SPATA22: variants seen among roughly 807,000 people sequenced by gnomAD.
SPATA22 encodes spermatogenesis associated 22.
SPATA22 carries 29 observed loss-of-function variants against 47.8 expected under a neutral mutation model. The ratio of observed to expected loss-of-function variants is 0.61; its 90% CI spans 0.45 to 0.83. SPATA22 has a LOEUF of 0.83. SPATA22 is among the 40% of genes least tolerant of loss of function. The probability of loss-of-function intolerance (pLI) is 0.00; values close to 1 mark genes in which losing one functional copy is unlikely to be tolerated. For missense variants in SPATA22, 410 were observed against 421.7 expected (o/e 0.97, Z 0.24); for synonymous variants, 133 against 140.9 (o/e 0.94, Z 0.40).
chr17:3,513,748 A>T (rs1359233495), exon 1 of SPATA22: 1 of 536,048 alleles, frequency 1.9e-6, no homozygotes, highest in African/African-American at 1.9e-5. Flanking sequence ...ACAAATTGAC[A>T]ACTGCCCCTC....
At chr17:3,508,897 T>A (rs75178440) in intron 1 of SPATA22, among the ~76,000 whole-genome samples, 58 of 113,008 alleles carry the variant, frequency 5.1e-4, no homozygotes, top group Non-Finnish European at 8.0e-4. Context: ...GCTTAAAGTA[T>A]AAAAAAAAAA....
chr17:3,491,877 C>CTTTTTTTTTTTTT (rs540965896), intron 1 of SPATA22, among the ~76,000 whole-genome samples: 24 of 123,022 alleles, frequency 2.0e-4, no homozygotes, highest in East Asian at 4.7e-4. Context: ...CTTTTGTTTT[C>CTTTTTTTTTTTTT]TTTTTTTTTT....
chr17:3,506,155 C>A (rs529433346), intron 1 of SPATA22, among the ~76,000 whole-genome samples: 50 of 152,292 alleles, frequency 3.3e-4, no homozygotes, highest in Non-Finnish European at 6.5e-4. Context: ...AAAGCAGACA[C>A]ACCAAAAACC....
chr17:3,453,628 T>G (rs903853878), intron 5 of SPATA22, among the ~76,000 whole-genome samples: 4 of 152,140 alleles, frequency 2.6e-5, no homozygotes, highest in Non-Finnish European at 5.9e-5. Context: ...CAAACATAGT[T>G]ACAGGCTGGG....
At chr17:3,451,180 A>G (rs2072850844) in intron 5 of SPATA22, among the ~76,000 whole-genome samples, 1 of 143,856 alleles carries the variant, frequency 7.0e-6, no homozygotes, top group African/African-American at 2.5e-5. Context: ...CAGACAAAAT[A>G]GACTTTAAGT....
In SPATA22 at chr17:3,490,735, A is replaced by G. The variant is rs2073810418; in HGVS notation, c.-73-21337T>C. 6.6e-6 allele frequency among the ~76,000 whole-genome samples: 1 copy of G among 152,236 alleles called. No individual in the cohort carries two copies. ...AATAGGAAGTGTGGGACTACAATAT[A>G]TTAAGAAGTGATACATTCAGATAGA... On this transcript the variant is annotated intron_variant, in intron 1 of 8. Transcript: ENST00000541913. The surrounding 1 kb of genome is among the most constrained non-coding windows in gnomAD (Gnocchi z 4.6).
At position 3,440,111 on chromosome 17, in the gene SPATA22, T is replaced by G; in HGVS notation, c.*36A>C. ...GGTAAATTAAGCAATAACAGAAAAC[T>G]GCTATAATTTATGCTAAACTTCCTT... On this transcript the variant is annotated 3_prime_UTR_variant, in exon 9 of 9. Coordinates refer to ENST00000572969, the MANE Select transcript of SPATA22 (RefSeq NM_001170698.2). 2 of 1,370,152 alleles carry G rather than the reference T, an allele frequency of 1.5e-6. No homozygotes were observed. Among genetic ancestry groups the G allele is most frequent in the African/African-American group, 1.5e-5 (1 of 67,612 alleles). 84.9% of individuals were successfully genotyped at this position (1,370,152 alleles called of 1,614,324 possible).
At chr17:3,445,058 A>G (rs1874060037) in intron 7 of SPATA22, among the ~76,000 whole-genome samples, 1 of 152,142 alleles carries the variant, frequency 6.6e-6, no homozygotes. Flanking sequence ...GAATGGAATC[A>G]GCATGTCCTT....
intron 5 of SPATA22, among the ~76,000 whole-genome samples, 174 bp from the exon 6 acceptor site, chr17:3,449,323 C>A (rs2072804341): frequency 6.6e-6 from 1 of 152,292 alleles, no homozygotes; most frequent in East Asian, 1.9e-4. Context: ...TACTACCTCT[C>A]TTTCCAGATG....
intron 5 of SPATA22, among the ~76,000 whole-genome samples, chr17:3,459,717 A>AT (rs2073084066): frequency 6.6e-6 from 1 of 152,140 alleles, no homozygotes; most frequent in Non-Finnish European, 1.5e-5. Context: ...CCTAATTAAA[A>AT]TTTTTTTAAG....
intron 6 of SPATA22, among the ~76,000 whole-genome samples, chr17:3,446,907 C>T (rs1053907546): frequency 9.9e-5 from 15 of 152,080 alleles, no homozygotes; most frequent in African/African-American, 3.4e-4. Context: ...TAGGTAAGGC[C>T]ATTCCTTTCC....
upstream of SPATA22, chr17:3,476,371 G>T: frequency 1.2e-6 from 2 of 1,614,042 alleles, no homozygotes; most frequent in Non-Finnish European, 1.7e-6. Context: ...GACCTGAATC[G>T]CATTTTTGAC....
intron 8 of SPATA22, chr17:3,441,794 A>G (rs1477580279): frequency 6.6e-6 from 1 of 151,808 alleles, no homozygotes; most frequent in Non-Finnish European, 1.5e-5. Flanking sequence ...ATATTCATGC[A>G]GCACAATATT....
chr17:3,513,816 G>A, exon 1 of SPATA22: 3 of 1,013,266 alleles, frequency 3.0e-6, no homozygotes, highest in South Asian at 1.4e-5. Context: ...TAGGCCAGCA[G>A]AGCCGGACTC....
intron 1 of SPATA22, chr17:3,489,440 T>G: frequency 9.4e-7 from 1 of 1,062,364 alleles, no homozygotes; most frequent in East Asian, 2.4e-5. Flanking sequence ...AGATATGAAG[T>G]GCTTTTTAAA....
rs545636565 is a variant in SPATA22, at chr17:3,467,902, T to C, written c.44-348A>G. Among the ~76,000 whole-genome samples the C allele has an allele frequency of 4.6e-5, 7 of 152,240 alleles. No individual in the cohort carries two copies. In the East Asian group the frequency reaches 1.2e-3, roughly 25 times the overall value. The stretch of plus-strand genomic sequence containing the variant: ...TTACCATATCGACTGCAGGGGACCT[T>C]TGAAGTACAACAGAGGTGAGGAAGA... On this transcript the variant is annotated intron_variant, in intron 2 of 8. Coordinates refer to ENST00000572969, the MANE Select transcript of SPATA22 (RefSeq NM_001170698.2).
At chr17:3,474,138 T>C (rs1476573675), upstream of SPATA22, 1 of 152,188 alleles carries the variant, frequency 6.6e-6, no homozygotes, top group African/African-American at 2.4e-5. Flanking sequence ...CTAATAAAGC[T>C]TTCCACAGAA....
chr17:3,474,941 C>G (rs2073499432), upstream of SPATA22, among the ~76,000 whole-genome samples: 1 of 152,210 alleles, frequency 6.6e-6, no homozygotes, highest in African/African-American at 2.4e-5. Context: ...AACTGAGTTA[C>G]TTAACCTCTC....
intron 1 of SPATA22, among the ~76,000 whole-genome samples, chr17:3,484,182 C>T (rs1162706325): frequency 3.3e-5 from 5 of 152,120 alleles, no homozygotes; most frequent in Non-Finnish European, 5.9e-5. Flanking sequence ...GTTCACCTGT[C>T]ACCTCCTATA....
Sources: allele counts gnomAD v4.1 joint callset (sites outside exome capture counted in the v4.1 genomes callset), GRCh38; gene constraint gnomAD v4.1.1; non-coding constraint Gnocchi (gnomAD v3.1); transcripts MANE v1.5; gene names NCBI Gene and HGNC (gene_info 2026-07-23, HGNC 2026-07-21).